CCDC152: variants seen among roughly 807,000 people sequenced by gnomAD.
The protein encoded by CCDC152 is coiled-coil domain containing 152.
A neutral mutation model predicts 38.1 loss-of-function variants in CCDC152; 37 were observed. The observed-to-expected ratio is 0.97, with a 90% CI of 0.75 to 1.28. The LOEUF is 1.28. CCDC152 is among the 50% of genes most tolerant of loss of function. The pLI is 0.00. For synonymous variants in CCDC152, 83 were observed against 87.1 expected (o/e 0.95, Z 0.26); for missense variants, 259 against 292.1 (o/e 0.89, Z 0.83).
chr5:42,761,702 G>A (rs1759556238), intron 2 of CCDC152, among the ~76,000 whole-genome samples: 1 of 152,140 alleles, frequency 6.6e-6, no homozygotes, highest in African/African-American at 2.4e-5. Flanking sequence ...GAACAGCCAA[G>A]GCACAGAACA....
At chr5:42,769,117 C>T (rs771251081) in intron 3 of CCDC152, among the ~76,000 whole-genome samples, 8 of 151,932 alleles carry the variant, frequency 5.3e-5, no homozygotes, top group South Asian at 2.1e-4. Context: ...GACATGGTGA[C>T]GCGTGCCTGT....
intron 6 of CCDC152, among the ~76,000 whole-genome samples, chr5:42,791,135 A>C (rs1759994459): frequency 6.6e-6 from 1 of 152,150 alleles, no homozygotes; most frequent in Admixed American, 6.5e-5. Flanking sequence ...AAGGATGATA[A>C]TTTTTTAATT....
At chr5:42,798,139 A>C (rs1262902523) in intron 7 of CCDC152, among the ~76,000 whole-genome samples, 1 of 152,178 alleles carries the variant, frequency 6.6e-6, no homozygotes, top group Non-Finnish European at 1.5e-5. Flanking sequence ...CAACAGAACG[A>C]AAAAAATAAA....
chr5:42,757,311 G>C (rs1759493811), intron 1 of CCDC152, among the ~76,000 whole-genome samples: 4 of 152,182 alleles, frequency 2.6e-5, no homozygotes. Flanking sequence ...GGAGGGACCA[G>C]AGCGTGGGGC....
At position 42,769,650 on chromosome 5, in the gene CCDC152, C is replaced by G. The variant is rs1204709866; in HGVS notation, c.247C>G (p.Gln83Glu). The G allele has an allele frequency of 2.0e-6, 3 of 1,482,364 alleles. No homozygotes were observed. The highest frequency in any genetic ancestry group is 2.7e-6 in the Non-Finnish European group (3 of 1,112,990). The allele number at this position is 1,482,364 out of a possible 1,614,324, so 91.8% of individuals were successfully genotyped here. ...AGGGCTACAACAGACCATTGAATAT[C>G]AACAGAATTTGAAAGGTAAGTTAGA... ...IKGLQQTIEY[Q>E]QNLKGENEQL... Residue 83 changes from glutamine to glutamate, a missense_variant, in exon 4 of 9, where the codon CAA becomes GAA. Coordinates refer to ENST00000361970, the MANE Select transcript of CCDC152 (RefSeq NM_001134848.2).
intron 4 of CCDC152, among the ~76,000 whole-genome samples, chr5:42,777,317 GC>G (rs1322603491): frequency 6.6e-6 from 1 of 152,014 alleles, no homozygotes; most frequent in Non-Finnish European, 1.5e-5. Flanking sequence ...ACAAAAATTA[GC>G]CGGGCATGGT....
chr5:42,774,978 C>G (rs1561275081), intron 4 of CCDC152, among the ~76,000 whole-genome samples: 1 of 150,272 alleles, frequency 6.7e-6, no homozygotes, highest in Non-Finnish European at 1.5e-5. Flanking sequence ...GAAAGATTCT[C>G]TGAGCTTGAG....
chr5:42,787,038 A>T (rs1759929923), intron 6 of CCDC152, among the ~76,000 whole-genome samples: 1 of 152,024 alleles, frequency 6.6e-6, no homozygotes, highest in African/African-American at 2.4e-5. Flanking sequence ...TATTTAAAAA[A>T]TTATTGAGAC....
At chr5:42,796,364 G>A (rs1283357980) in intron 6 of CCDC152, among the ~76,000 whole-genome samples, 2 of 151,990 alleles carry the variant, frequency 1.3e-5, no homozygotes, top group African/African-American at 4.8e-5. Flanking sequence ...AGATGTCATG[G>A]TGTCATTAAC....
In CCDC152 at chr5:42,766,873, ATAACT is replaced by A. The variant is rs577333992; in HGVS notation, c.194-2720_194-2716del. Among the ~76,000 whole-genome samples the A allele has an allele frequency of 4.8e-3, 724 of 152,302 alleles. 4 individuals are homozygous for A. Among genetic ancestry groups the A allele is most frequent in the Middle Eastern group, 0.01 (3 of 294 alleles). On this transcript the variant is annotated intron_variant, in intron 3 of 8. Transcript: ENST00000361970. ...CACAGTAAGGTGACTACAGTCAATA[ATAACT>A]TAATTGTACATTTTAAAGTAACTTA...
At chr5:42,759,072 T>C in intron 1 of CCDC152, 48 bp from the exon 2 acceptor site, 1 of 1,298,184 alleles carries the variant, frequency 7.7e-7, no homozygotes, top group Non-Finnish European at 1.1e-6. Flanking sequence ...TGTGGTGCTT[T>C]AGATCTTATT....
intron 4 of CCDC152, among the ~76,000 whole-genome samples, chr5:42,771,473 A>G (rs764648339): frequency 6.6e-6 from 1 of 152,096 alleles, no homozygotes; most frequent in Non-Finnish European, 1.5e-5. Flanking sequence ...AAAATTTAAC[A>G]AAACTAGGAG....
chr5:42,799,272 G>C (rs905366710), intron 7 of CCDC152, 103 bp from the exon 8 acceptor site: 1 of 605,478 alleles, frequency 1.7e-6, no homozygotes, highest in Admixed American at 3.5e-5. Context: ...ATTTACACCT[G>C]AATTACAGAT....
intron 6 of CCDC152, among the ~76,000 whole-genome samples, chr5:42,790,992 T>C (rs1482965338): frequency 6.6e-6 from 1 of 152,196 alleles, no homozygotes; most frequent in Non-Finnish European, 1.5e-5. Context: ...GCAACTCTTC[T>C]GTGGTTCTTG....
chr5:42,768,269 C>T lies in CCDC152; in HGVS notation c.194-1328C>T, dbSNP rs187365996. Among the ~76,000 whole-genome samples, 6 of 152,294 alleles carry T rather than the reference C, an allele frequency of 3.9e-5. No homozygotes were observed. In the East Asian group the frequency reaches 1.2e-3, roughly 29 times the overall value. On this transcript the variant is annotated intron_variant, in intron 3 of 8. Coordinates refer to ENST00000361970, the MANE Select transcript of CCDC152 (RefSeq NM_001134848.2). ...AGATTCCCTACTTACCCCTTATCTG[C>T]TTCAGCTTACTGTGATATTACCTAT...
intron 7 of CCDC152, among the ~76,000 whole-genome samples, chr5:42,798,243 G>T (rs544300962): frequency 6.6e-6 from 1 of 152,226 alleles, no homozygotes; most frequent in Admixed American, 6.5e-5. Context: ...ATGTTTTCTA[G>T]ACTCTATCAA....
chr5:42,770,522 C>G (rs1759683182), intron 4 of CCDC152, among the ~76,000 whole-genome samples: 1 of 151,420 alleles, frequency 6.6e-6, no homozygotes, highest in East Asian at 1.9e-4. Flanking sequence ...CAGTGCTGTA[C>G]TGTTCTGATT....
intron 6 of CCDC152, among the ~76,000 whole-genome samples, chr5:42,789,125 ACCT>A (rs1392617625): frequency 2.6e-5 from 4 of 152,084 alleles, no homozygotes; most frequent in Non-Finnish European, 2.9e-5. Context: ...AGGGCAGACG[ACCT>A]CCTTAGTAGT....
chr5:42,776,401 T>G (rs1188006200), intron 4 of CCDC152, among the ~76,000 whole-genome samples: 2 of 152,144 alleles, frequency 1.3e-5, no homozygotes, highest in Non-Finnish European at 2.9e-5. Context: ...TAAAATTGTT[T>G]TATTTATGCA....
Sources: gnomAD v4.1 joint callset for allele counts (sites outside exome capture counted in the v4.1 genomes callset) on GRCh38, gnomAD v4.1.1 for gene constraint, MANE v1.5 for transcripts, NCBI Gene and HGNC (gene_info 2026-07-23, HGNC 2026-07-21) for gene names.